ACACA: variants seen among roughly 807,000 people sequenced by gnomAD.
ACACA encodes acetyl-CoA carboxylase alpha.
ACACA carries 103 observed loss-of-function variants against 296.1 expected under a neutral mutation model. That is an observed-to-expected ratio of 0.35 (90% confidence interval 0.30 to 0.41). The LOEUF is 0.41. Ranked by LOEUF, ACACA falls within the 10% of genes least tolerant of loss-of-function variation. The pLI is 1.00. For missense variants in ACACA, 1,554 were observed against 2,989.7 expected (o/e 0.52, Z 11.20); for synonymous variants, 953 against 1,038.6 (o/e 0.92, Z 1.58).
At chr17:37,096,466 C>G (rs943155245) in intron 54 of ACACA, among the ~76,000 whole-genome samples, 2 of 152,164 alleles carry the variant, frequency 1.3e-5, no homozygotes, top group African/African-American at 2.4e-5. Context: ...GCCCCCAAAT[C>G]CAGCCTTTTC....
chr17:37,205,193 T>C (rs2078441029), intron 33 of ACACA, among the ~76,000 whole-genome samples: 2 of 152,192 alleles, frequency 1.3e-5, no homozygotes, highest in Admixed American at 1.3e-4. Context: ...AAAAAGTCAA[T>C]GACTTTTGAA....
intron 3 of ACACA, among the ~76,000 whole-genome samples, chr17:37,285,268 A>C (rs917916503): frequency 6.6e-6 from 1 of 152,226 alleles, no homozygotes; most frequent in Non-Finnish European, 1.5e-5. Context: ...CGTTAAAGCC[A>C]AAAAACAAGT....
At chr17:37,378,028 G>A (rs1337090461) in intron 1 of ACACA, 4 of 1,430,936 alleles carry the variant, frequency 2.8e-6, no homozygotes, top group South Asian at 2.3e-5. Flanking sequence ...ACCTTTAAAA[G>A]ATATCTCATC....
At chr17:37,104,945 A>G (rs113668172) in intron 52 of ACACA, among the ~76,000 whole-genome samples, 10 of 71,602 alleles carry the variant, frequency 1.4e-4, no homozygotes, top group African/African-American at 1.0e-3. Flanking sequence ...TCTCTGACCG[A>G]AAAAAAAAAA....
chr17:37,325,579 C>CTTT lies in ACACA; in HGVS notation c.338+4591_338+4593dup, dbSNP rs1156553256. ...CTTAGGGTCTTATTTTCTTTTCTTT[C>CTTT]TTTTTTTTTTTTTTTTTTTTTTTTT... is the stretch of plus-strand genomic sequence containing the variant. On this transcript the variant is annotated intron_variant, in intron 3 of 55. Coordinates refer to ENST00000616317, the MANE Select transcript of ACACA (RefSeq NM_198834.3). 4.9e-3 allele frequency among the ~76,000 whole-genome samples: 331 copies of CTTT among 67,882 alleles called. 34 individuals are homozygous for CTTT. Among genetic ancestry groups the CTTT allele is most frequent in the African/African-American group, 0.012 (168 of 14,432 alleles). The allele number at this position is 67,882 out of a possible 152,430, so 44.5% of individuals were successfully genotyped here.
chr17:37,181,885 G>T, intron 39 of ACACA, among the ~76,000 whole-genome samples: 1 of 101,960 alleles, frequency 9.8e-6, no homozygotes, highest in South Asian at 3.6e-4. Flanking sequence ...GGGCAACAGA[G>T]CAAGACTCTG....
intron 10 of ACACA, among the ~76,000 whole-genome samples, chr17:37,270,429 T>C (rs2082017520): frequency 6.6e-6 from 1 of 152,184 alleles, no homozygotes; most frequent in Non-Finnish European, 1.5e-5. Context: ...AAGGTATTGA[T>C]TTTTCTTTGC....
intron 1 of ACACA, among the ~76,000 whole-genome samples, chr17:37,352,379 C>T (rs987098707): frequency 2.0e-5 from 3 of 152,032 alleles, no homozygotes; most frequent in African/African-American, 7.2e-5. Context: ...AATTAATTTA[C>T]GCTCGTAATC....
At chr17:37,322,709 G>A (rs1190348526) in intron 3 of ACACA, among the ~76,000 whole-genome samples, 6 of 152,166 alleles carry the variant, frequency 3.9e-5, no homozygotes, top group Non-Finnish European at 4.4e-5. Flanking sequence ...CAGCAGGCCA[G>A]CAGACTTGCA....
At chr17:37,386,137 A>C in intron 1 of ACACA, 1 of 1,494,194 alleles carries the variant, frequency 6.7e-7, no homozygotes, top group South Asian at 1.2e-5. Flanking sequence ...TAATTTTTCT[A>C]GCTTTGAAAT....
At chr17:37,324,211 A>G (rs1224692053) in intron 3 of ACACA, among the ~76,000 whole-genome samples, 1 of 151,584 alleles carries the variant, frequency 6.6e-6, no homozygotes, top group Non-Finnish European at 1.5e-5. Flanking sequence ...TACTACAAAT[A>G]CAAAATTAGC....
intron 45 of ACACA, among the ~76,000 whole-genome samples, chr17:37,145,074 C>A (rs2143948310): frequency 6.6e-6 from 1 of 152,272 alleles, no homozygotes; most frequent in African/African-American, 2.4e-5. Context: ...AATACTAGCT[C>A]TTCCCAGCCT....
intron 30 of ACACA, 81 bp from the exon 31 acceptor site, chr17:37,207,881 T>A: frequency 6.5e-7 from 1 of 1,541,300 alleles, no homozygotes; most frequent in Non-Finnish European, 9.0e-7. Flanking sequence ...GAAAAGGAAC[T>A]AGGAGAAAAC....
At position 37,263,682 on chromosome 17, in the gene ACACA, T is replaced by C. The variant is rs1567905512; in HGVS notation, c.1329+3A>G. 6.2e-7 allele frequency: 1 copy of C among 1,612,222 alleles called. No homozygotes were observed. The highest frequency in any genetic ancestry group is 1.3e-5 in the African/African-American group (1 of 75,028). On this transcript the variant is annotated splice_donor_region_variant and intron_variant, in intron 11 of 55. Transcript: ENST00000616317. The stretch of plus-strand genomic sequence containing the variant: ...CATAAAGTAAGCCTTTTAATATATG[T>C]ACCTGTTCCATGTGTTCAAATACTG...
At chr17:37,121,548 T>C (rs2074528359) in intron 49 of ACACA, 58 bp from the exon 50 acceptor site, 1 of 1,598,868 alleles carries the variant, frequency 6.3e-7, no homozygotes, top group Non-Finnish European at 8.6e-7. Flanking sequence ...GGGAAATCTC[T>C]CCAAGGTGAA....
chr17:37,295,901 G>A (rs1331539084), intron 3 of ACACA, among the ~76,000 whole-genome samples: 2 of 151,836 alleles, frequency 1.3e-5, no homozygotes, highest in African/African-American at 4.8e-5. Context: ...CTCCAGCCTG[G>A]GCTAAAGGGC....
chr17:37,242,459 G>A (rs1280935390), intron 22 of ACACA, among the ~76,000 whole-genome samples: 1 of 152,160 alleles, frequency 6.6e-6, no homozygotes, highest in East Asian at 1.9e-4. Context: ...CATGTGTGGT[G>A]GCTCACACCT....
intron 1 of ACACA, among the ~76,000 whole-genome samples, chr17:37,361,539 A>G (rs777034599): frequency 2.0e-5 from 3 of 152,192 alleles, no homozygotes; most frequent in Non-Finnish European, 4.4e-5. Flanking sequence ...TGAAAAAAAA[A>G]GTAATTAAGG....
At chr17:37,179,547 C>T in intron 40 of ACACA, 141 bp from the exon 41 acceptor site, 2 of 954,310 alleles carry the variant, frequency 2.1e-6, no homozygotes, top group Non-Finnish European at 1.6e-6. Context: ...AATTCTCCAG[C>T]TCCCATTCTC....
Sources: allele counts gnomAD v4.1 joint callset (sites outside exome capture counted in the v4.1 genomes callset), GRCh38; gene constraint gnomAD v4.1.1; transcripts MANE v1.5; gene names NCBI Gene and HGNC (gene_info 2026-07-23, HGNC 2026-07-21).